Variants in NBEAL1 observed in about 807,000 individuals in gnomAD.
NBEAL1 encodes the protein neurobeachin-like protein 1.
In NBEAL1, 273 loss-of-function variants were observed where a neutral mutation model predicts 351.3. That is an observed-to-expected ratio of 0.78 (90% CI 0.70 to 0.86). The LOEUF is 0.86. Ranked by LOEUF, NBEAL1 falls within the 40% of genes least tolerant of loss-of-function variation. NBEAL1 has a pLI of 0.00. For missense variants in NBEAL1, 2,961 were observed against 3,201.3 expected, an observed-to-expected ratio of 0.92 and a Z score of 1.81; for synonymous variants, 1,050 against 1,086.4, an observed-to-expected ratio of 0.97 and a Z score of 0.66.
chr2:203,106,848 G>A lies in NBEAL1; in HGVS notation c.1270-572G>A, dbSNP rs868603958. ...CTTTATATTTCACTTTATGACTTTG[G>A]GTGCCTACTGGTTCAAAAATACATG... is the stretch of plus-strand genomic sequence containing the variant. On this transcript the variant is annotated intron_variant, in intron 12 of 55. Transcript: ENST00000683969. 1.1e-4 allele frequency among the ~76,000 whole-genome samples: 17 copies of A among 152,000 alleles called. No homozygotes were observed. In the South Asian group the frequency reaches 1.5e-3, roughly 13 times the overall value.
At chr2:203,040,505 T>C in intron 2 of NBEAL1, 6 of 676,918 alleles carry the variant, frequency 8.9e-6, no homozygotes, top group South Asian at 8.2e-5. Flanking sequence ...ATGCTGCTTA[T>C]AGTGGAAACT....
chr2:203,199,560 T>C, intron 49 of NBEAL1, 113 bp downstream of exon 49: 1 of 598,930 alleles, frequency 1.7e-6, no homozygotes, highest in East Asian at 3.0e-5. Flanking sequence ...TTTTTTTTTT[T>C]TTGAGACAGA....
chr2:203,175,385 C>G, intron 42 of NBEAL1, 98 bp downstream of exon 42: 1 of 1,222,968 alleles, frequency 8.2e-7, no homozygotes, highest in Non-Finnish European at 1.1e-6. Context: ...CTTTTTTATT[C>G]TCCTGTATTA....
chr2:203,191,159 G>T (rs1028899308), intron 46 of NBEAL1: 2 of 1,584,898 alleles, frequency 1.3e-6, no homozygotes, highest in Non-Finnish European at 1.7e-6. Flanking sequence ...GAACTCTCTG[G>T]AACCATTAAA....
chr2:203,196,975 A>G (rs935910600), intron 47 of NBEAL1, among the ~76,000 whole-genome samples: 1 of 152,140 alleles, frequency 6.6e-6, no homozygotes, highest in Admixed American at 6.5e-5. Flanking sequence ...TATGATCCGT[A>G]TTTTCTACTT....
At chr2:203,046,811 A>G (rs1374350922) in intron 3 of NBEAL1, among the ~76,000 whole-genome samples, 4 of 152,192 alleles carry the variant, frequency 2.6e-5, no homozygotes, top group Non-Finnish European at 5.9e-5. Flanking sequence ...TTTACAACAT[A>G]TGAAATTTGG....
chr2:203,191,343 A>G, intron 46 of NBEAL1: 2 of 83,006 alleles, frequency 2.4e-5, no homozygotes, highest in Admixed American at 1.6e-4. Context: ...AAAGAATCAA[A>G]TTATAGAATA....
chr2:203,056,660 A>G (rs2061407171), intron 5 of NBEAL1, among the ~76,000 whole-genome samples, 152 bp downstream of exon 5: 1 of 152,182 alleles, frequency 6.6e-6, no homozygotes, highest in Non-Finnish European at 1.5e-5. Context: ...TCTGCCTCCC[A>G]GGTTCAAGTG....
chr2:203,111,729 C>G (rs995871422), intron 15 of NBEAL1, among the ~76,000 whole-genome samples: 1 of 152,036 alleles, frequency 6.6e-6, no homozygotes, highest in Non-Finnish European at 1.5e-5. Context: ...AAAAATGATT[C>G]TAAGGAATAC....
At chr2:203,117,113 A>T (rs1172675965) in intron 18 of NBEAL1, among the ~76,000 whole-genome samples, 1 of 151,482 alleles carries the variant, frequency 6.6e-6, no homozygotes, top group Non-Finnish European at 1.5e-5. Context: ...AAAAAGAAAA[A>T]GAAAGTAATA....
At chr2:203,138,867 T>G (rs938155400) in intron 31 of NBEAL1, 119 bp downstream of exon 31, 1 of 981,550 alleles carries the variant, frequency 1.0e-6, no homozygotes, top group Non-Finnish European at 1.4e-6. Context: ...TCTAAAAGTA[T>G]CCATGATTTC....
intron 10 of NBEAL1, among the ~76,000 whole-genome samples, chr2:203,094,581 A>G (rs1045081070): frequency 5.9e-5 from 9 of 152,158 alleles, no homozygotes; most frequent in Non-Finnish European, 1.3e-4. Flanking sequence ...TTCTTTTTGT[A>G]TGAGATTCGT....
chr2:203,070,363 T>C (rs1478601749), intron 7 of NBEAL1, among the ~76,000 whole-genome samples: 3 of 148,222 alleles, frequency 2.0e-5, no homozygotes, highest in Admixed American at 2.0e-4. Context: ...CTCTCTCTTT[T>C]TTTTTTTTTT....
At chr2:203,125,211 A>G in intron 19 of NBEAL1, 141 bp from the exon 20 acceptor site, 2 of 527,202 alleles carry the variant, frequency 3.8e-6, no homozygotes, top group Non-Finnish European at 6.1e-6. Flanking sequence ...ATCTTCCTAC[A>G]CAAAAATTCC....
chr2:203,211,392 G>A lies in NBEAL1; in HGVS notation c.7934+286G>A, dbSNP rs187297985. On this transcript the variant is annotated intron_variant, in intron 54 of 55. Transcript: ENST00000683969. ...ATAGTCACTCCTGCCTGTAATCCCA[G>A]CACTTTGGGAGGTCAAAGAGGGAGG... Among the ~76,000 whole-genome samples, 47 of 152,196 alleles carry A rather than the reference G, an allele frequency of 3.1e-4. No homozygotes were observed. The East Asian group carries it at 6.2e-3, about 20-fold the overall frequency.
intron 4 of NBEAL1, among the ~76,000 whole-genome samples, chr2:203,051,633 G>A (rs765550285): frequency 1.3e-5 from 2 of 151,712 alleles, no homozygotes; most frequent in African/African-American, 4.8e-5. Context: ...TTTCCTGCTA[G>A]CTACCTACTA....
Position 203,068,457 on chromosome 2 carries a change from T to A in NBEAL1, c.580T>A (p.Phe194Ile). ...TAAACCAGCTTCTCTCACAGTGGAA[T>A]TCGTCCCTTTCTTTTATCGTAAGTA... Reference protein sequence around the residue: ...KYKPASLTVEFVPFFYQCFQE... With the variant: ...KYKPASLTVEIVPFFYQCFQE... The change falls in exon 7 of 56, where the codon TTC becomes ATC. Residue 194 changes from phenylalanine (F) to isoleucine (I), a missense_variant. Transcript: ENST00000683969. 1.5e-5 allele frequency: 23 copies of A among 1,545,138 alleles called. No homozygotes were observed. Among genetic ancestry groups the A allele is most frequent in the Non-Finnish European group, 2.0e-5 (23 of 1,141,988 alleles).
At chr2:203,099,550 T>C in intron 11 of NBEAL1, 79 bp from the exon 12 acceptor site, 1 of 901,506 alleles carries the variant, frequency 1.1e-6, no homozygotes, top group Non-Finnish European at 1.7e-6. Flanking sequence ...TTTTCAGGTT[T>C]TCAGACCAAA....
chr2:203,131,695 C>T (rs146221217), intron 25 of NBEAL1, among the ~76,000 whole-genome samples: 3,472 of 152,106 alleles, frequency 0.023, 70 homozygotes, highest in South Asian at 0.064. Context: ...TTGCAACCTC[C>T]GGCATAAATG....
Sources: gnomAD v4.1 joint callset for allele counts (sites outside exome capture counted in the v4.1 genomes callset) on GRCh38, gnomAD v4.1.1 for gene constraint, MANE v1.5 for transcripts, NCBI Gene and HGNC (gene_info 2026-07-23, HGNC 2026-07-21) for gene names.